PLEKHG5: variants seen among roughly 807,000 people sequenced by gnomAD.
PLEKHG5 encodes the protein pleckstrin homology domain-containing family G member 5.
A neutral mutation model predicts 103.8 loss-of-function variants in PLEKHG5; 52 were observed. That is an observed-to-expected ratio of 0.50 (90% CI 0.40 to 0.63). The LOEUF is 0.63. Among genes scored for constraint, PLEKHG5 ranks in the 30% least tolerant of loss-of-function variants. The pLI is 0.00. For synonymous variants in PLEKHG5, 592 were observed against 575.5 expected, an observed-to-expected ratio of 1.03 and a Z score of -0.41; for missense variants, 1,205 against 1,347.6, an observed-to-expected ratio of 0.89 and a Z score of 1.66.
intron 1 of PLEKHG5, among the ~76,000 whole-genome samples, chr1:6,519,182 A>T (rs1188157792): frequency 2.0e-5 from 3 of 152,206 alleles, no homozygotes; most frequent in Admixed American, 6.5e-5. Flanking sequence ...TTCTGTCAGG[A>T]GTTAGATGGC....
intron 1 of PLEKHG5, among the ~76,000 whole-genome samples, chr1:6,514,763 AG>A (rs1638569268): frequency 2.0e-5 from 3 of 151,010 alleles, no homozygotes; most frequent in Admixed American, 2.0e-4. Context: ...TCCATCTTGA[AG>A]GAAAAAAAAA....
At chr1:6,477,437 G>T in intron 2 of PLEKHG5, 92 bp downstream of exon 2, 1 of 1,302,768 alleles carries the variant, frequency 7.7e-7, no homozygotes, top group Non-Finnish European at 1.1e-6. Flanking sequence ...CAGTCGACTT[G>T]TCCTTATGAC....
upstream of PLEKHG5, among the ~76,000 whole-genome samples, chr1:6,500,792 C>T (rs997999377): frequency 2.0e-5 from 3 of 152,266 alleles, no homozygotes; most frequent in Admixed American, 6.5e-5. Flanking sequence ...TGCCTCCCCA[C>T]GTGCGCAACA....
rs1644408258 is a variant in PLEKHG5 at position 6,467,304 on chromosome 1, G to T, written c.*259C>A. ...GGCAGCCTAGGAGCCCAGCCCTGAA[G>T]ACTCGAGCTGAGCTGGTAACTTCGG... On this transcript the variant is annotated 3_prime_UTR_variant, in exon 21 of 21. Coordinates refer to ENST00000377728, the MANE Select transcript of PLEKHG5 (RefSeq NM_020631.6). 1 of 606,702 alleles carries T rather than the reference G, an allele frequency of 1.6e-6. No individual in the cohort carries two copies. The highest frequency in any genetic ancestry group is 2.5e-5 in the Admixed American group (1 of 40,328). 37.6% of individuals were successfully genotyped at this position (606,702 alleles called of 1,614,324 possible).
upstream of PLEKHG5, among the ~76,000 whole-genome samples, chr1:6,498,628 G>A (rs1645261587): frequency 6.6e-6 from 1 of 152,200 alleles, no homozygotes; most frequent in Non-Finnish European, 1.5e-5. Context: ...GCATGACCCT[G>A]GGGAGGGGGC....
At chr1:6,485,735 A>G (rs1159955382) in intron 1 of PLEKHG5, 5 of 291,452 alleles carry the variant, frequency 1.7e-5, no homozygotes, top group African/African-American at 1.7e-4. Flanking sequence ...GGGACTCCAC[A>G]CCCCTACCTC....
Position 6,470,782 on chromosome 1 carries a change from G to T in PLEKHG5, c.1495C>A (p.Leu499Met). ...TKYPLLLKSV[L>M]RKTEEPRAKE... is the part of the protein sequence containing the mutation. Reference sequence around the variant, plus strand: ...GCGCGCGGCTCCTCGGTCTTCCTCAGCACCGACTTGAGCAGCAGCGGGTAC... The same window carrying T: ...GCGCGCGGCTCCTCGGTCTTCCTCATCACCGACTTGAGCAGCAGCGGGTAC... The change falls in exon 14 of 21, where the codon CTG becomes ATG. Residue 499 changes from leucine (L) to methionine (M), a missense_variant. Coordinates refer to ENST00000377728, the MANE Select transcript of PLEKHG5 (RefSeq NM_020631.6). The T allele has an allele frequency of 6.4e-7, 1 of 1,571,392 alleles. No homozygotes were observed. The highest frequency in any genetic ancestry group is 1.9e-5 in the Admixed American group (1 of 53,814).
At chr1:6,477,487 A>G (rs1163078661) in intron 2 of PLEKHG5, 42 bp downstream of exon 2, 3 of 1,601,822 alleles carry the variant, frequency 1.9e-6, no homozygotes, top group Non-Finnish European at 2.6e-6. Flanking sequence ...ACACTGACAC[A>G]GGAGCTCTGG....
intron 14 of PLEKHG5, 39 bp downstream of exon 14, chr1:6,470,696 C>T (rs1286612863): frequency 1.3e-6 from 2 of 1,552,580 alleles, no homozygotes; most frequent in Non-Finnish European, 8.7e-7. Context: ...AGCAGAGAGC[C>T]GCGCAGGGGG....
chr1:6,506,568 C>T (rs1024729252), intron 1 of PLEKHG5, among the ~76,000 whole-genome samples: 67 of 152,294 alleles, frequency 4.4e-4, no homozygotes, highest in African/African-American at 1.5e-3. Flanking sequence ...ATTCCGGCTC[C>T]CCACCCCTGA....
At chr1:6,474,705 C>T (rs997674447) in intron 5 of PLEKHG5, 118 bp from the exon 6 acceptor site, 11 of 1,037,528 alleles carry the variant, frequency 1.1e-5, no homozygotes, top group Admixed American at 4.2e-5. Flanking sequence ...ACCTTCCCAA[C>T]GGAAAAGGGA....
chr1:6,477,559 C>T lies in PLEKHG5; in HGVS notation c.13G>A (p.Gly5Arg). The T allele has an allele frequency of 6.2e-7, 1 of 1,612,598 alleles. No homozygotes were observed. The highest frequency in any genetic ancestry group is 8.5e-7 in the Non-Finnish European group (1 of 1,179,970). Reference protein sequence around the residue: MHYDGHVRFDLPPQG... With the variant: MHYDRHVRFDLPPQG... ...GGGGGAAGGTCGAAGCGGACATGCCCATCATAATGCATGGTGCTGTGGAAC... is the reference window on the plus strand; with the variant it reads ...GGGGGAAGGTCGAAGCGGACATGCCTATCATAATGCATGGTGCTGTGGAAC... The change falls in exon 2 of 21, where the codon GGG (glycine) becomes AGG (arginine). Residue 5 changes from glycine to arginine, a missense_variant. By Grantham distance (125) the Gly-to-Arg change is moderately radical. Transcript: ENST00000377728.
chr1:6,474,503 C>G lies in PLEKHG5; in HGVS notation c.387G>C (p.Leu129=). 1 of 1,614,004 alleles carries G rather than the reference C, an allele frequency of 6.2e-7. No individual in the cohort carries two copies. The highest frequency in any genetic ancestry group is 1.1e-5 in the South Asian group (1 of 91,082). ...DIYLDQSNTP[L]SLTFEAYRFG... ...ACCTGTAGGCCTCGAAGGTGAGGGA[C>G]AGGGGTGTGTTGGACTGGTCCAGGT... The change falls in exon 6 of 21, where the codon CTG becomes CTC. Residue 129 remains leucine, a synonymous_variant. Transcript: ENST00000377728.
At position 6,468,506 on chromosome 1, in the gene PLEKHG5, C is replaced by A; in HGVS notation, c.2330G>T (p.Ser777Ile). The A allele has an allele frequency of 6.2e-7, 1 of 1,613,058 alleles. No individual in the cohort carries two copies. Among genetic ancestry groups the A allele is most frequent in the Non-Finnish European group, 8.5e-7 (1 of 1,179,966 alleles). Residue 777 changes from serine to isoleucine, a missense_variant, in exon 20 of 21, where the codon AGC (serine) becomes ATC (isoleucine). Transcript: ENST00000377728. ...GDTLSSPEFD[S>I]GPFSSQSDET... ...ATCAGACTGGGAGCTGAAAGGACCG[C>A]TGTCGAACTCGGGGGAGGACAGCGT... is the stretch of plus-strand genomic sequence containing the variant.
At chr1:6,472,677 C>A in intron 9 of PLEKHG5, 55 bp from the exon 10 acceptor site, 2 of 1,344,234 alleles carry the variant, frequency 1.5e-6, no homozygotes, top group Admixed American at 1.9e-5. Flanking sequence ...TTAGGGTGGC[C>A]GGGGAGGATA....
Position 6,467,655 on chromosome 1 carries a change from C to G in PLEKHG5, c.3012-83G>C, listed in dbSNP as rs1032572894. Reference sequence around the variant, plus strand: ...TGGTCACCCTCTCTTCCCCACGGCACTCCTCAGGCCCCTTCACTGCTGCCC... The same window carrying G: ...TGGTCACCCTCTCTTCCCCACGGCAGTCCTCAGGCCCCTTCACTGCTGCCC... On this transcript the variant is annotated intron_variant, in intron 20 of 20. Coordinates refer to ENST00000377728, the MANE Select transcript of PLEKHG5 (RefSeq NM_020631.6). 8.0e-6 allele frequency: 12 copies of G among 1,498,808 alleles called. No individual in the cohort carries two copies. In the East Asian group the frequency reaches 2.5e-4, roughly 31 times the overall value. 92.8% of individuals were successfully genotyped at this position (1,498,808 alleles called of 1,614,324 possible).
At chr1:6,473,976 T>TGG in intron 7 of PLEKHG5, 37 bp downstream of exon 7, 85 of 1,265,454 alleles carry the variant, frequency 6.7e-5, no homozygotes, top group Non-Finnish European at 7.9e-5. Context: ...CTGGGCCCCT[T>TGG]CCCACCCCCT....
In PLEKHG5 at chr1:6,471,030, C is replaced by G; in HGVS notation, c.1352G>C (p.Gly451Ala). The G allele has an allele frequency of 6.2e-7, 1 of 1,606,476 alleles. No homozygotes were observed. Among genetic ancestry groups the G allele is most frequent in the Middle Eastern group, 1.7e-4 (1 of 6,034 alleles). Reference sequence around the variant, plus strand: ...GAAGAGGTCGTTGTCGCGCAGCAGGCCGCGCATGTACTCCATGCAGCCCTC... The same window carrying G: ...GAAGAGGTCGTTGTCGCGCAGCAGGGCGCGCATGTACTCCATGCAGCCCTC... ...EEEGCMEYMRGLLRDNDLFRA... is the reference protein window; with the variant it reads ...EEEGCMEYMRALLRDNDLFRA... Residue 451 changes from glycine to alanine, a missense_variant, in exon 13 of 21, where the codon GGC becomes GCC. Coordinates refer to ENST00000377728, the MANE Select transcript of PLEKHG5 (RefSeq NM_020631.6).
intron 9 of PLEKHG5, 41 bp from the exon 10 acceptor site, chr1:6,472,663 C>T (rs1026329774): frequency 2.0e-6 from 3 of 1,467,362 alleles, no homozygotes; most frequent in Non-Finnish European, 2.8e-6. Flanking sequence ...AGGCCTGGAG[C>T]ACCTTAGGGT....
Sources: allele counts gnomAD v4.1 joint callset (sites outside exome capture counted in the v4.1 genomes callset), GRCh38; gene constraint gnomAD v4.1.1; transcripts MANE v1.5; gene names NCBI Gene and HGNC (gene_info 2026-07-23, HGNC 2026-07-21).